FAM83A: variants seen among roughly 807,000 people sequenced by gnomAD.
FAM83A encodes scaffolding CK1 anchoring protein A.
FAM83A carries 21 observed loss-of-function variants against 24.4 expected under a neutral mutation model. That is an observed-to-expected ratio of 0.86 (90% confidence interval 0.61 to 1.24). The LOEUF (loss-of-function observed/expected upper bound fraction) is 1.24. Among genes scored for constraint, FAM83A ranks in the 50% most tolerant of loss-of-function variants. The pLI, the probability that FAM83A is intolerant of heterozygous loss-of-function variation, is 0.00. For missense variants in FAM83A, 617 were observed against 579.8 expected (o/e 1.06, Z -0.66); for synonymous variants, 270 against 252.4 (o/e 1.07, Z -0.66).
intron 3 of FAM83A, among the ~76,000 whole-genome samples, chr8:123,203,515 G>C (rs1188419742): frequency 6.7e-6 from 1 of 149,378 alleles, no homozygotes; most frequent in Non-Finnish European, 1.5e-5. Context: ...TTGAATCCAG[G>C]AGGCAGAGGT....
intron 2 of FAM83A, 150 bp from the exon 3 acceptor site, chr8:123,193,874 C>G: frequency 1.0e-6 from 1 of 959,616 alleles, no homozygotes; most frequent in Admixed American, 2.6e-5. Context: ...CTAATCTCCT[C>G]CCAAAGGCCC....
In FAM83A at chr8:123,208,210, T is replaced by C. The variant is rs138198901; in HGVS notation, c.*522T>C. ...GGGAGAGTTGGGGAAACTCCTCCTC[T>C]TAGGAAAGGCTAATACTAGGGTATC... On this transcript the variant is annotated 3_prime_UTR_variant, in exon 4 of 4. Transcript: ENST00000690554. The C allele has an allele frequency of 1.3e-3, 1,312 of 986,332 alleles. 17 individuals are homozygous for C. The African/African-American group carries it at 0.02, about 15-fold the overall frequency. The allele number at this position is 986,332 out of a possible 1,614,324, so 61.1% of individuals were successfully genotyped here. A position where few individuals can be genotyped will look rare whatever the true frequency, so the allele number is the denominator to read the frequency against.
rs530895070 is a variant in FAM83A at position 123,205,095 on chromosome 8, G to GCTGGTCCCC, written c.774-2062_774-2061insCTGGTCCCC. ...CCACTGCACTCCAGCCTGGGCGACA[G>GCTGGTCCCC]AGCAAGGCTGCGTCTCAAAAAAAAA... On this transcript the variant is annotated intron_variant, in intron 3 of 3. Transcript: ENST00000690554. Among the ~76,000 whole-genome samples the GCTGGTCCCC allele has an allele frequency of 1.5e-3, 233 of 152,222 alleles. 10 individuals carry two copies. The South Asian group carries it at 0.047, about 30-fold the overall frequency.
At chr8:123,207,809 T>C (rs1824616174) in exon 4 of FAM83A, 2 of 1,402,922 alleles carry the variant, frequency 1.4e-6, no homozygotes, top group African/African-American at 3.0e-5. Context: ...TCAAAATCAC[T>C]GCCATGGTTC....
chr8:123,183,691 T>TA (rs1823695532), intron 1 of FAM83A, among the ~76,000 whole-genome samples: 1 of 150,154 alleles, frequency 6.7e-6, no homozygotes, highest in Non-Finnish European at 1.5e-5. Context: ...TTCTTTTTTT[T>TA]TTTCTTTTTT....
At chr8:123,182,615 G>C (rs1042453051), upstream of FAM83A, 2 of 703,674 alleles carry the variant, frequency 2.8e-6, no homozygotes, top group Non-Finnish European at 5.1e-6. Flanking sequence ...CCCGGCCCGA[G>C]GGCAGGGCAG....
chr8:123,197,612 A>G (rs1824202325), intron 3 of FAM83A, among the ~76,000 whole-genome samples: 1 of 152,194 alleles, frequency 6.6e-6, no homozygotes. Flanking sequence ...GATTGTGAAT[A>G]TTAGCTGAGG....
chr8:123,194,535 G>A (rs1036681386), intron 3 of FAM83A, among the ~76,000 whole-genome samples: 1 of 150,792 alleles, frequency 6.6e-6, no homozygotes, highest in African/African-American at 2.4e-5. Context: ...CCAGGCTGGA[G>A]TGCAGTGGTG....
chr8:123,185,878 C>T (rs1043178765), intron 1 of FAM83A, among the ~76,000 whole-genome samples: 19 of 152,138 alleles, frequency 1.2e-4, no homozygotes, highest in Non-Finnish European at 1.5e-4. Context: ...GCAACCTCTG[C>T]CCCCCAGATT....
chr8:123,183,349 A>G lies in FAM83A; in HGVS notation c.480+13A>G. 3 of 1,602,144 alleles carry G rather than the reference A, an allele frequency of 1.9e-6. No individual in the cohort carries two copies. Among genetic ancestry groups the G allele is most frequent in the Non-Finnish European group, 2.6e-6 (3 of 1,172,690 alleles). Reference sequence around the variant, plus strand: ...CCGGACTAGCCAGGTACCGATGGCAAAGCCCCTGTCTCCGTGGCCAAGTAG... The same window carrying G: ...CCGGACTAGCCAGGTACCGATGGCAGAGCCCCTGTCTCCGTGGCCAAGTAG... On this transcript the variant is annotated intron_variant, in intron 1 of 3. Coordinates refer to ENST00000690554, the Ensembl canonical transcript of FAM83A.
At chr8:123,179,083 TAC>T (rs1369823531), upstream of FAM83A, 1 of 152,206 alleles carries the variant, frequency 6.6e-6, no homozygotes, top group Non-Finnish European at 1.5e-5. Context: ...CTTTCTGGGC[TAC>T]AGTTTTCTCA....
exon 1 of FAM83A, chr8:123,182,872 C>A: frequency 6.6e-7 from 1 of 1,522,222 alleles, no homozygotes; most frequent in Non-Finnish European, 8.8e-7. Context: ...CCGGTCAAGG[C>A]ACCTGGGCAA....
intron 1 of FAM83A, among the ~76,000 whole-genome samples, chr8:123,189,123 C>G (rs891656434): frequency 6.6e-6 from 1 of 152,220 alleles, no homozygotes; most frequent in Non-Finnish European, 1.5e-5. Flanking sequence ...CAGGGAAAGC[C>G]TAAGCTGCTT....
exon 4 of FAM83A, chr8:123,208,241 G>A: frequency 2.0e-6 from 2 of 985,692 alleles, no homozygotes; most frequent in Non-Finnish European, 1.2e-6. Context: ...GTATCCTTGG[G>A]CCCAATGAAT....
intron 3 of FAM83A, among the ~76,000 whole-genome samples, chr8:123,194,740 C>A (rs953412919): frequency 2.6e-5 from 4 of 152,192 alleles, no homozygotes; most frequent in African/African-American, 4.8e-5. Context: ...CATGTGGCCT[C>A]CCAAAGTGCT....
chr8:123,185,391 G>A (rs1352214212), intron 1 of FAM83A, among the ~76,000 whole-genome samples: 3 of 152,200 alleles, frequency 2.0e-5, no homozygotes, highest in African/African-American at 7.2e-5. Context: ...AGGAAGCCTG[G>A]TTAGGGCTTG....
chr8:123,207,292 G>A, exon 4 of FAM83A: 2 of 1,612,464 alleles, frequency 1.2e-6, no homozygotes, highest in South Asian at 1.1e-5. Context: ...AGTCCCCGCG[G>A]CTGGTCGCCC....
intron 3 of FAM83A, among the ~76,000 whole-genome samples, chr8:123,206,061 TGAACCTGA>T (rs1824542336): frequency 6.6e-6 from 1 of 151,226 alleles, no homozygotes; most frequent in South Asian, 2.1e-4. Context: ...AATAATCGTT[TGAACCTGA>T]GAGGCGGAGG....
At chr8:123,197,298 T>G (rs1449158344) in intron 3 of FAM83A, among the ~76,000 whole-genome samples, 12 of 152,214 alleles carry the variant, frequency 7.9e-5, no homozygotes, top group Non-Finnish European at 1.5e-5. Flanking sequence ...AGGAGGCACA[T>G]TCACACAAGT....
Sources: gnomAD v4.1 joint callset for allele counts (sites outside exome capture counted in the v4.1 genomes callset) on GRCh38, gnomAD v4.1.1 for gene constraint, MANE v1.5 for transcripts, NCBI Gene and HGNC (gene_info 2026-07-23, HGNC 2026-07-21) for gene names.